The following PPP1R14C variants were observed in gnomAD, a reference collection of about 807,000 sequenced individuals.
PPP1R14C encodes protein phosphatase 1 regulatory subunit 14C.
In PPP1R14C, 16 loss-of-function variants were observed where a neutral mutation model predicts 20.4. That is an observed-to-expected ratio of 0.78 (90% CI 0.53 to 1.19). The LOEUF (loss-of-function observed/expected upper bound fraction) is 1.19, where lower values mean the gene tolerates loss of function less well. PPP1R14C is among the 50% of genes most tolerant of loss of function. PPP1R14C has a pLI of 0.00. For missense variants in PPP1R14C, 211 were observed against 220.1 expected (o/e 0.96, Z 0.26); for synonymous variants, 91 against 91.0 (o/e 1.00, Z 0.00).
chr6:150,217,153 G>T (rs1307002390), intron 3 of PPP1R14C, among the ~76,000 whole-genome samples: 6 of 151,438 alleles, frequency 4.0e-5, no homozygotes, highest in African/African-American at 1.2e-4. Flanking sequence ...AAAGTTTTAG[G>T]TTTATAACTG....
intron 3 of PPP1R14C, among the ~76,000 whole-genome samples, chr6:150,240,872 C>T (rs1259268249): frequency 1.3e-5 from 2 of 152,214 alleles, no homozygotes; most frequent in African/African-American, 4.8e-5. Flanking sequence ...GCTCTCTGCT[C>T]CAGGTCCTTG....
chr6:150,200,484 A>G (rs186597491), intron 1 of PPP1R14C, among the ~76,000 whole-genome samples: 6 of 152,192 alleles, frequency 3.9e-5, no homozygotes, highest in Admixed American at 2.0e-4. Context: ...TGAACCAGCC[A>G]GCTCCTGTTC....
chr6:150,236,323 A>T (rs942152803), intron 3 of PPP1R14C, among the ~76,000 whole-genome samples: 1 of 150,736 alleles, frequency 6.6e-6, no homozygotes, highest in Non-Finnish European at 1.5e-5. Context: ...TACCCGCGAG[A>T]GCACGGTACT....
At chr6:150,168,652 A>T (rs1777464665) in intron 1 of PPP1R14C, among the ~76,000 whole-genome samples, 1 of 152,220 alleles carries the variant, frequency 6.6e-6, no homozygotes, top group Non-Finnish European at 1.5e-5. Flanking sequence ...GTCCCTGGGG[A>T]GGAGCAGGGA....
chr6:150,237,026 G>A (rs1237278048), intron 3 of PPP1R14C, among the ~76,000 whole-genome samples: 4 of 152,038 alleles, frequency 2.6e-5, no homozygotes, highest in Non-Finnish European at 4.4e-5. Context: ...AAACACATGT[G>A]TGCTGCGCCC....
rs538455395 is a variant in PPP1R14C at position 150,170,900 on chromosome 6, A to AT, written c.306+27409dup. On this transcript the variant is annotated intron_variant, in intron 1 of 3. Coordinates refer to ENST00000361131, the MANE Select transcript of PPP1R14C (RefSeq NM_030949.3). ...ACTATAAAATTAACTTTTATTTAAC[A>AT]TTTTTTTACAAAATACATTTAAAAA... Among the ~76,000 whole-genome samples the AT allele has an allele frequency of 1.8e-4, 27 of 151,172 alleles. No individual in the cohort carries two copies. In the South Asian group the frequency reaches 3.6e-3, roughly 20 times the overall value.
chr6:150,243,296 C>T (rs1004156979), intron 3 of PPP1R14C, among the ~76,000 whole-genome samples: 1 of 151,980 alleles, frequency 6.6e-6, no homozygotes, highest in African/African-American at 2.4e-5. Context: ...CTGCCTCAGC[C>T]TCCTGAGAAG....
At chr6:150,155,414 C>T (rs1317694581) in intron 1 of PPP1R14C, among the ~76,000 whole-genome samples, 1 of 152,112 alleles carries the variant, frequency 6.6e-6, no homozygotes, top group Admixed American at 6.5e-5. Flanking sequence ...CACATAAATA[C>T]TCAGTGATAT....
chr6:150,154,762 C>A (rs1777288245), intron 1 of PPP1R14C, among the ~76,000 whole-genome samples: 1 of 152,118 alleles, frequency 6.6e-6, no homozygotes, highest in Admixed American at 6.5e-5. Context: ...TGGGTAGGGA[C>A]TAGAACGTAA....
At chr6:150,236,877 G>A (rs1778367550) in intron 3 of PPP1R14C, among the ~76,000 whole-genome samples, 1 of 152,124 alleles carries the variant, frequency 6.6e-6, no homozygotes. Context: ...GAGCTACAGG[G>A]ACTGTGGCCC....
chr6:150,233,426 C>T (rs1189153953), intron 3 of PPP1R14C, among the ~76,000 whole-genome samples: 1 of 152,148 alleles, frequency 6.6e-6, no homozygotes, highest in African/African-American at 2.4e-5. Flanking sequence ...AAAAACATTT[C>T]CAAACTTCTA....
chr6:150,144,947 G>T (rs1356787015), intron 1 of PPP1R14C, among the ~76,000 whole-genome samples: 2 of 152,086 alleles, frequency 1.3e-5, no homozygotes, highest in African/African-American at 2.4e-5. Context: ...GAGTGGATGT[G>T]CTCAGTCCTG....
intron 1 of PPP1R14C, among the ~76,000 whole-genome samples, chr6:150,188,432 C>T (rs1466716230): frequency 2.0e-5 from 3 of 146,448 alleles, no homozygotes; most frequent in Non-Finnish European, 3.0e-5. Flanking sequence ...TCCTGATGGG[C>T]GGGTCCTGCG....
At position 150,204,111 on chromosome 6, in the gene PPP1R14C, A is replaced by G. The variant is rs544785907; in HGVS notation, c.307-10633A>G. ...GGCTGCTGTCGGCACAGGAGCCGTG[A>G]GGGTGGCGGCCGCCTGGCCACTGTG... On this transcript the variant is annotated intron_variant, in intron 1 of 3. Coordinates refer to ENST00000361131, the MANE Select transcript of PPP1R14C (RefSeq NM_030949.3). Among the ~76,000 whole-genome samples the G allele has an allele frequency of 2.3e-3, 349 of 152,338 alleles. 1 individual carries two copies. Among genetic ancestry groups the G allele is most frequent in the African/African-American group, 7.9e-3 (330 of 41,582 alleles).
chr6:150,181,085 G>C (rs1777616889), intron 1 of PPP1R14C, among the ~76,000 whole-genome samples: 1 of 152,174 alleles, frequency 6.6e-6, no homozygotes, highest in Non-Finnish European at 1.5e-5. Context: ...ATTTAGTGGA[G>C]CTGCCTTTGG....
intron 1 of PPP1R14C, among the ~76,000 whole-genome samples, chr6:150,206,049 C>G (rs1269783174): frequency 6.6e-6 from 1 of 152,124 alleles, no homozygotes; most frequent in Non-Finnish European, 1.5e-5. Flanking sequence ...TCCACATGCT[C>G]TGTCCCTTCC....
intron 3 of PPP1R14C, among the ~76,000 whole-genome samples, chr6:150,246,338 AC>A (rs1236292958): frequency 6.6e-6 from 1 of 152,186 alleles, no homozygotes; most frequent in African/African-American, 2.4e-5. Flanking sequence ...AAATACTGAA[AC>A]TTTTTGTAGT....
rs138814076 is a variant in PPP1R14C, at chr6:150,173,555, A to G, written c.306+30057A>G. Among the ~76,000 whole-genome samples, 596 of 152,124 alleles carry G rather than the reference A, an allele frequency of 3.9e-3. 6 individuals carry two copies. The highest frequency in any genetic ancestry group is 0.014 in the African/African-American group (569 of 41,510). On this transcript the variant is annotated intron_variant, in intron 1 of 3. Coordinates refer to ENST00000361131, the MANE Select transcript of PPP1R14C (RefSeq NM_030949.3). Reference sequence around the variant, plus strand: ...CTACAGCCCTCCTTTGTAACTTTCCAACTTGGTCTTGCACTACTTTCCAAT... The same window carrying G: ...CTACAGCCCTCCTTTGTAACTTTCCGACTTGGTCTTGCACTACTTTCCAAT...
intron 3 of PPP1R14C, among the ~76,000 whole-genome samples, chr6:150,235,846 G>T (rs185680764): frequency 1.3e-5 from 2 of 152,292 alleles, no homozygotes; most frequent in South Asian, 2.1e-4. Flanking sequence ...GGAGGAAAAG[G>T]TTCGTCGTAC....
Sources: gnomAD v4.1 joint callset for allele counts (sites outside exome capture counted in the v4.1 genomes callset) on GRCh38, gnomAD v4.1.1 for gene constraint, MANE v1.5 for transcripts, NCBI Gene and HGNC (gene_info 2026-07-23, HGNC 2026-07-21) for gene names.